The following IL7 variants were observed in gnomAD, a reference collection of about 807,000 sequenced individuals.
IL7 encodes interleukin-7.
IL7 carries 3 observed loss-of-function variants against 21.6 expected under a neutral mutation model. That is an observed-to-expected ratio of 0.14 (90% CI 0.06 to 0.36). IL7 has a LOEUF of 0.36. Ranked by LOEUF, IL7 falls within the 10% of genes least tolerant of loss-of-function variation. IL7 has a pLI of 1.00. For synonymous variants in IL7, 62 were observed against 68.1 expected, an observed-to-expected ratio of 0.91 and a Z score of 0.44; for missense variants, 175 against 200.2, an observed-to-expected ratio of 0.87 and a Z score of 0.76.
At chr8:78,797,667 C>T (rs1184323646) in intron 2 of IL7, among the ~76,000 whole-genome samples, 2 of 151,972 alleles carry the variant, frequency 1.3e-5, no homozygotes, top group Non-Finnish European at 2.9e-5. Flanking sequence ...TATGCATCTA[C>T]ACACAGCCAA....
At chr8:78,751,448 A>G (rs541801245) in intron 2 of IL7, among the ~76,000 whole-genome samples, 7 of 152,322 alleles carry the variant, frequency 4.6e-5, no homozygotes, top group African/African-American at 1.7e-4. Flanking sequence ...AGACAAACAA[A>G]AATTGAGAGA....
intron 2 of IL7, among the ~76,000 whole-genome samples, chr8:78,751,538 A>G (rs1812172984): frequency 6.6e-6 from 1 of 152,212 alleles, no homozygotes; most frequent in African/African-American, 2.4e-5. Flanking sequence ...TAAGTTAGAA[A>G]CATGGATCTA....
downstream of IL7, chr8:78,717,267 G>A (rs944612541): frequency 2.0e-6 from 3 of 1,482,452 alleles, no homozygotes; most frequent in African/African-American, 2.8e-5. Flanking sequence ...TTTCTCCAGG[G>A]TTATGGGTTG....
intron 3 of IL7, among the ~76,000 whole-genome samples, chr8:78,726,565 A>C (rs1811343865): frequency 6.6e-6 from 1 of 152,066 alleles, no homozygotes; most frequent in African/African-American, 2.4e-5. Flanking sequence ...TTAGTGAGAC[A>C]TAAAAGCAAG....
intron 3 of IL7, chr8:78,686,371 A>T (rs1010105285): frequency 3.8e-6 from 4 of 1,047,828 alleles, no homozygotes; most frequent in Admixed American, 4.1e-5. Context: ...ATAAGAGAAC[A>T]TTTAAAATGA....
chr8:78,738,074 A>G (rs1342662826), intron 4 of IL7, among the ~76,000 whole-genome samples: 3 of 152,166 alleles, frequency 2.0e-5, no homozygotes, highest in Non-Finnish European at 4.4e-5. Context: ...AAATTGTTGG[A>G]CATGTTTATG....
intron 2 of IL7, among the ~76,000 whole-genome samples, chr8:78,778,914 T>A (rs1390920835): frequency 1.3e-5 from 2 of 152,182 alleles, no homozygotes; most frequent in Non-Finnish European, 2.9e-5. Flanking sequence ...TCCTCTCTGA[T>A]ATACTTGAGC....
intron 2 of IL7, among the ~76,000 whole-genome samples, chr8:78,791,110 G>A (rs1470442298): frequency 6.6e-6 from 1 of 152,072 alleles, no homozygotes; most frequent in African/African-American, 2.4e-5. Context: ...GATTATTCAA[G>A]GGGGAAAGAC....
In IL7 at chr8:78,743,349, C is replaced by A. The variant is rs184506246; in HGVS notation, c.148-3267G>T. Among the ~76,000 whole-genome samples, 363 of 152,242 alleles carry A rather than the reference C, an allele frequency of 2.4e-3. 2 individuals carry two copies. The highest frequency in any genetic ancestry group is 8.2e-3 in the African/African-American group (339 of 41,540). ...CACAATGGCTGAACTGATTTACATT[C>A]CCACCAACAGTGTATAAGCATTCCT... On this transcript the variant is annotated intron_variant, in intron 2 of 5. Transcript: ENST00000263851.
intron 3 of IL7, among the ~76,000 whole-genome samples, chr8:78,708,619 C>T (rs1810856132): frequency 6.6e-6 from 1 of 150,636 alleles, no homozygotes; most frequent in South Asian, 2.1e-4. Flanking sequence ...GTTTAAAAAA[C>T]AACAAAACAC....
At chr8:78,743,854 TG>T (rs1284115988) in intron 2 of IL7, among the ~76,000 whole-genome samples, 1 of 152,162 alleles carries the variant, frequency 6.6e-6, no homozygotes, top group Non-Finnish European at 1.5e-5. Context: ...TGTGGTTTGC[TG>T]GGGGTCTACT....
chr8:78,685,256 T>C (rs1809931411), intron 4 of IL7, among the ~76,000 whole-genome samples: 2 of 151,654 alleles, frequency 1.3e-5, no homozygotes, highest in African/African-American at 4.8e-5. Flanking sequence ...TGCATAGCCA[T>C]GTTAAAAAAA....
chr8:78,746,750 T>C (rs1811991801), intron 2 of IL7: 1 of 299,472 alleles, frequency 3.3e-6, no homozygotes, highest in Non-Finnish European at 6.5e-6. Context: ...TATTACTGTA[T>C]GCCTTTCTCT....
At chr8:78,712,633 A>G (rs747108780) in intron 3 of IL7, among the ~76,000 whole-genome samples, 1 of 152,164 alleles carries the variant, frequency 6.6e-6, no homozygotes. Context: ...TGACACTGCC[A>G]AAGAGTCAAG....
At chr8:78,744,259 T>C (rs1811897800) in intron 2 of IL7, among the ~76,000 whole-genome samples, 1 of 151,172 alleles carries the variant, frequency 6.6e-6, no homozygotes, top group Middle Eastern at 3.2e-3. Context: ...TTCAAATCTC[T>C]GTAGGCCAGA....
At chr8:78,675,875 G>A in exon 5 of IL7, 1 of 1,602,334 alleles carries the variant, frequency 6.2e-7, no homozygotes, top group Non-Finnish European at 8.5e-7. Context: ...TGAGTAGACT[G>A]ATTTTGTACC....
At chr8:78,770,399 G>T (rs558770341) in intron 2 of IL7, among the ~76,000 whole-genome samples, 66 of 152,012 alleles carry the variant, frequency 4.3e-4, no homozygotes, top group Non-Finnish European at 8.1e-4. Context: ...GTATCCTTTT[G>T]TCGACATGTT....
intron 1 of IL7, among the ~76,000 whole-genome samples, chr8:78,804,418 C>G (rs1814224432): frequency 6.6e-6 from 1 of 152,190 alleles, no homozygotes. Context: ...TGGGGTTTTC[C>G]GGAGACCTGT....
intron 3 of IL7, among the ~76,000 whole-genome samples, chr8:78,702,765 G>T (rs906051436): frequency 6.6e-6 from 1 of 151,790 alleles, no homozygotes; most frequent in Non-Finnish European, 1.5e-5. Flanking sequence ...GTAGTTGTAG[G>T]GTTTTGAGTT....
Sources: allele counts gnomAD v4.1 joint callset (sites outside exome capture counted in the v4.1 genomes callset), GRCh38; gene constraint gnomAD v4.1.1; transcripts MANE v1.5; gene names NCBI Gene and HGNC (gene_info 2026-07-23, HGNC 2026-07-21).